The following ANK2 variants were observed in gnomAD, a reference collection of about 807,000 sequenced individuals.
ANK2 encodes ankyrin-2.
In ANK2, 83 loss-of-function variants were observed where a neutral mutation model predicts 360.5. That is an observed-to-expected ratio of 0.23 (90% confidence interval 0.19 to 0.28). ANK2 has a LOEUF of 0.28. Among genes scored for constraint, ANK2 ranks in the 10% least tolerant of loss-of-function variants. The probability of loss-of-function intolerance (pLI) is 1.00; values close to 1 mark genes in which losing one functional copy is unlikely to be tolerated. For synonymous variants in ANK2, 1,740 were observed against 1,759.5 expected (o/e 0.99, Z 0.28); for missense variants, 4,201 against 4,795.7 (o/e 0.88, Z 3.66).
At chr4:113,044,141 T>C in intron 2 of ANK2, among the ~76,000 whole-genome samples, 1 of 152,184 alleles carries the variant, frequency 6.6e-6, no homozygotes, top group East Asian at 1.9e-4. Flanking sequence ...ATATGGTTAG[T>C]TACCATAGGC....
At chr4:113,138,531 G>A (rs945968183) in intron 1 of ANK2, among the ~76,000 whole-genome samples, 8 of 152,120 alleles carry the variant, frequency 5.3e-5, no homozygotes, top group Admixed American at 3.3e-4. Flanking sequence ...TTTGAACTTA[G>A]GTTTGTTATT....
chr4:112,957,266 AC>A (rs1413769837), intron 2 of ANK2, among the ~76,000 whole-genome samples: 2 of 151,970 alleles, frequency 1.3e-5, no homozygotes, highest in African/African-American at 4.8e-5. Context: ...CACATCTTGC[AC>A]CACCCTTAAT....
chr4:113,203,027 G>C (rs1231241213), intron 4 of ANK2, among the ~76,000 whole-genome samples: 1 of 152,190 alleles, frequency 6.6e-6, no homozygotes, highest in Non-Finnish European at 1.5e-5. Context: ...TCAGTGACAT[G>C]GAGGTCTCAT....
chr4:113,203,384 G>A (rs905469955), intron 4 of ANK2, among the ~76,000 whole-genome samples: 20 of 151,350 alleles, frequency 1.3e-4, no homozygotes, highest in African/African-American at 4.9e-4. Flanking sequence ...TTAAATACTT[G>A]TAGCACTCTT....
intron 38 of ANK2, 43 bp from the exon 39 acceptor site, chr4:113,360,780 G>C: frequency 6.3e-7 from 1 of 1,579,648 alleles, no homozygotes; most frequent in Non-Finnish European, 8.7e-7. Flanking sequence ...TTCCTCTCCT[G>C]TCATAGACAA....
At chr4:112,792,077 T>TGTTGCCCAGGCTGGAGTGCAATG in the ANK2 span, among the ~76,000 whole-genome samples, 2 of 147,068 alleles carry the variant, frequency 1.4e-5, no homozygotes, top group East Asian at 4.0e-4. Context: ...GTTTTGCTCT[T>TGTTGCCCAGGCTGGAGTGCAATG]GTTGCCCAGG....
chr4:113,069,964 C>A (rs2076973104), intron 1 of ANK2: 1 of 152,170 alleles, frequency 6.6e-6, no homozygotes, highest in Non-Finnish European at 1.5e-5. Context: ...TCTGTGTTAA[C>A]ACTTGTGTTA....
At chr4:113,203,293 C>A (rs1242129296) in intron 4 of ANK2, among the ~76,000 whole-genome samples, 1 of 152,054 alleles carries the variant, frequency 6.6e-6, no homozygotes, top group Non-Finnish European at 1.5e-5. Flanking sequence ...AAAAAATGTT[C>A]AAATTTCAAA....
chr4:113,283,176 G>A (rs935294734), intron 18 of ANK2, among the ~76,000 whole-genome samples: 3 of 152,170 alleles, frequency 2.0e-5, no homozygotes, highest in Non-Finnish European at 4.4e-5. Context: ...AGGCTACCCT[G>A]TAGCTCCCAA....
At chr4:113,242,989 A>G (rs1418886642) in intron 9 of ANK2, among the ~76,000 whole-genome samples, 1 of 152,192 alleles carries the variant, frequency 6.6e-6, no homozygotes, top group Non-Finnish European at 1.5e-5. Flanking sequence ...ATTAACTCTT[A>G]GGTATATTAT....
At position 113,369,520 on chromosome 4, in the gene ANK2, A is replaced by G. The variant is rs775125723; in HGVS notation, c.11325A>G (p.Thr3775=). The G allele has an allele frequency of 6.2e-7, 1 of 1,613,850 alleles. No individual in the cohort carries two copies. The highest frequency in any genetic ancestry group is 1.7e-5 in the Admixed American group (1 of 60,026). ...TTTGGCTTTTTGATTCCAGTGTGAC[A>G]ACTCCAGGAACAGAAACATCAGAGA... The part of the protein sequence containing the change: ...SLEYQQEYFV[T]TPGTETSETQ... The change falls in exon 43 of 46, where the codon ACA becomes ACG. Residue 3775 remains threonine (T), a synonymous_variant. Coordinates refer to ENST00000357077, the MANE Select transcript of ANK2 (RefSeq NM_001148.6).
chr4:113,331,090 T>G (rs2092339051), intron 27 of ANK2, among the ~76,000 whole-genome samples: 1 of 152,222 alleles, frequency 6.6e-6, no homozygotes, highest in East Asian at 1.9e-4. Flanking sequence ...TTCTGTTTGT[T>G]TGTACGGCTG....
rs74530792 is a variant in ANK2, at chr4:113,093,785, C to G, written c.84+43973C>G. Among the ~76,000 whole-genome samples, 1,212 of 152,290 alleles carry G rather than the reference C, an allele frequency of 8.0e-3. 39 individuals are homozygous for G. The East Asian group carries it at 0.1, about 13-fold the overall frequency. ...TGAATCATTGCAGGCACACAACAAA[C>G]CTTCACCAAATAAGACAGTAACTTT... is the stretch of plus-strand genomic sequence containing the variant. On this transcript the variant is annotated intron_variant, in intron 1 of 45. Coordinates refer to ENST00000357077, the MANE Select transcript of ANK2 (RefSeq NM_001148.6).
At chr4:113,241,639 T>C (rs1210225755) in intron 8 of ANK2, among the ~76,000 whole-genome samples, 1 of 152,172 alleles carries the variant, frequency 6.6e-6, no homozygotes, top group Non-Finnish European at 1.5e-5. Flanking sequence ...CATGCCCAAC[T>C]TGAAGGAGAT....
At position 113,365,201 on chromosome 4, in the gene ANK2, ATGTGTGTGTG is replaced by A. The variant is rs34201791; in HGVS notation, c.11032+41_11032+50del. On this transcript the variant is annotated intron_variant, in intron 41 of 45. Transcript: ENST00000357077. ...AGTGAAGGTCAAACTGTGTGTGTGT[ATGTGTGTGTG>A]TGTGTGTGTGTGTGTGTGTGTTGTG... 9.3e-5 allele frequency: 132 copies of A among 1,422,420 alleles called. No homozygotes were observed. Among genetic ancestry groups the A allele is most frequent in the Middle Eastern group, 1.8e-4 (1 of 5,642 alleles). 88.1% of individuals were successfully genotyped at this position (1,422,420 alleles called of 1,614,324 possible). A position where few individuals can be genotyped will look rare whatever the true frequency, so the allele number is the denominator to read the frequency against.
intron 2 of ANK2, among the ~76,000 whole-genome samples, chr4:112,951,820 T>C (rs558264832): frequency 6.5e-4 from 99 of 152,348 alleles, no homozygotes; most frequent in African/African-American, 2.3e-3. Context: ...GAAAATACTC[T>C]TTATTTAAAT....
intron 15 of ANK2, among the ~76,000 whole-genome samples, chr4:113,275,347 A>C (rs536881529): frequency 4.6e-5 from 7 of 152,358 alleles, no homozygotes; most frequent in Admixed American, 3.9e-4. Context: ...CTTAGAATAA[A>C]ACATGAATAT....
intron 2 of ANK2, among the ~76,000 whole-genome samples, chr4:113,043,454 A>AT (rs34297293): frequency 0.049 from 7,398 of 151,692 alleles, 213 homozygotes; most frequent in Admixed American, 0.079. Flanking sequence ...AAAAAAAAAA[A>AT]GAGACAGGGT....
the ANK2 span, among the ~76,000 whole-genome samples, chr4:112,811,820 T>C: frequency 6.6e-6 from 1 of 152,162 alleles, no homozygotes; most frequent in Non-Finnish European, 1.5e-5. Context: ...CTCACGCCTG[T>C]AATCCCAGCA....
Sources: gnomAD v4.1 joint callset for allele counts (sites outside exome capture counted in the v4.1 genomes callset) on GRCh38, gnomAD v4.1.1 for gene constraint, MANE v1.5 for transcripts, NCBI Gene and HGNC (gene_info 2026-07-23, HGNC 2026-07-21) for gene names.